The following SH3KBP1 variants were observed in gnomAD, a reference collection of about 807,000 sequenced individuals.
The protein encoded by SH3KBP1 is SH3 domain containing kinase binding protein 1.
In SH3KBP1, 8 loss-of-function variants were observed where a neutral mutation model predicts 50.1. The ratio of observed to expected loss-of-function variants is 0.16; its 90% CI spans 0.09 to 0.29. SH3KBP1 has a LOEUF of 0.29. Ranked by LOEUF, SH3KBP1 falls within the 10% of genes least tolerant of loss-of-function variation. The pLI is 1.00. For missense variants in SH3KBP1, 377 were observed against 535.2 expected (o/e 0.70, Z 2.92); for synonymous variants, 227 against 218.6 (o/e 1.04, Z -0.34).
chrX:19,659,603 C>A (rs1569394766), intron 6 of SH3KBP1, among the ~76,000 whole-genome samples: 2 of 111,912 alleles, frequency 1.8e-5, no homozygotes, highest in Admixed American at 1.9e-4. Flanking sequence ...AGATGTATAG[C>A]AAAACATTTA....
chrX:19,586,794 G>A (rs1041360970), intron 12 of SH3KBP1, among the ~76,000 whole-genome samples: 1 of 111,998 alleles, frequency 8.9e-6, no homozygotes, highest in Non-Finnish European at 1.9e-5. Flanking sequence ...GCCAGCCCAC[G>A]TTGCGACTTG....
rs1403031116 is a variant in SH3KBP1, at chrX:19,535,596, A to C, written c.*821T>G. ...AAAGTCACAGCTGGTACCACAGAGC[A>C]CGCCCAACTTCACAGCTGTCTCCTC... On this transcript the variant is annotated 3_prime_UTR_variant, in exon 18 of 18. Transcript: ENST00000397821. 1 of 111,894 alleles carries C rather than the reference A, an allele frequency of 8.9e-6. No individual in the cohort carries two copies. Among genetic ancestry groups the C allele is most frequent in the Non-Finnish European group, 1.9e-5 (1 of 53,218 alleles). The allele number at this position is 111,894 out of a possible 1,213,427, so 9.2% of individuals were successfully genotyped here. A position where few individuals can be genotyped will look rare whatever the true frequency, so the allele number is the denominator to read the frequency against.
chrX:19,604,504 C>G (rs1316258596), intron 9 of SH3KBP1, among the ~76,000 whole-genome samples: 1 of 112,177 alleles, frequency 8.9e-6, no homozygotes, highest in Non-Finnish European at 1.9e-5. Flanking sequence ...CCGTTTGCTT[C>G]TGTCTACCCT....
chrX:19,551,550 C>CTTTTTTTTTTTTTTTTTT (rs397800260), intron 13 of SH3KBP1, among the ~76,000 whole-genome samples: 9 of 95,167 alleles, frequency 9.5e-5, no homozygotes, highest in African/African-American at 3.9e-4. Context: ...CTCCCTCCCT[C>CTTTTTTTTTTTTTTTTTT]TTTTTTTTTT....
chrX:19,662,957 T>C (rs1022534216), intron 6 of SH3KBP1, among the ~76,000 whole-genome samples: 1 of 110,944 alleles, frequency 9.0e-6, no homozygotes, highest in Non-Finnish European at 1.9e-5. Context: ...TTGGCTGTCA[T>C]TCATATTCAT....
In SH3KBP1 at chrX:19,766,652, C is replaced by T. The variant is rs1178823003; in HGVS notation, c.163-20211G>A. On this transcript the variant is annotated intron_variant, in intron 2 of 17. Coordinates refer to ENST00000397821, the MANE Select transcript of SH3KBP1 (RefSeq NM_031892.3). ...CCGAGTAGCTGGGACTACAGGTGCC[C>T]GCCACCAGGCCTGGCTAATTTTTTG... Among the ~76,000 whole-genome samples the T allele has an allele frequency of 5.6e-5, 6 of 106,910 alleles. No homozygotes were observed. The East Asian group carries it at 1.2e-3, about 21-fold the overall frequency. 92.8% of individuals were successfully genotyped at this position (106,910 alleles called of 115,157 possible). A position where few individuals can be genotyped will look rare whatever the true frequency, so the allele number is the denominator to read the frequency against.
intron 14 of SH3KBP1, among the ~76,000 whole-genome samples, chrX:19,546,648 T>TGA (rs780338223): frequency 2.7e-5 from 3 of 112,441 alleles, no homozygotes; most frequent in Non-Finnish European, 5.6e-5. Flanking sequence ...TTCCTCAGCT[T>TGA]GAGAGCACAG....
intron 12 of SH3KBP1, among the ~76,000 whole-genome samples, chrX:19,581,704 G>C (rs1454014986): frequency 9.1e-6 from 1 of 110,246 alleles, no homozygotes; most frequent in Non-Finnish European, 1.9e-5. Flanking sequence ...TCCCAAGAGA[G>C]ACATCTGCCC....
At chrX:19,739,761 G>A (rs1337317993) in intron 3 of SH3KBP1, among the ~76,000 whole-genome samples, 4 of 110,913 alleles carry the variant, frequency 3.6e-5, no homozygotes, top group African/African-American at 1.3e-4. Context: ...AGTGAACACT[G>A]AGTCAGAGGA....
At chrX:19,816,660 T>G (rs1239449023) in intron 2 of SH3KBP1, among the ~76,000 whole-genome samples, 1 of 110,697 alleles carries the variant, frequency 9.0e-6, no homozygotes, top group Non-Finnish European at 1.9e-5. Flanking sequence ...TACAAAAAAT[T>G]AGCCAGGCGT....
At chrX:19,653,763 TACACACACACACACACACACAC>T (rs60424271) in intron 6 of SH3KBP1, among the ~76,000 whole-genome samples, 42 of 80,257 alleles carry the variant, frequency 5.2e-4, no homozygotes, top group Non-Finnish European at 6.8e-4. Context: ...TATGTCTAAA[TACACACACACACACACACACAC>T]ACACACACAC....
chrX:19,873,921 C>T (rs1339641997), intron 1 of SH3KBP1, among the ~76,000 whole-genome samples: 2 of 103,429 alleles, frequency 1.9e-5, no homozygotes, highest in Non-Finnish European at 3.9e-5. Flanking sequence ...TGGTGGTGTG[C>T]GCCTGTAATC....
intron 8 of SH3KBP1, among the ~76,000 whole-genome samples, chrX:19,616,214 G>A (rs924445647): frequency 9.0e-6 from 1 of 110,896 alleles, no homozygotes; most frequent in Non-Finnish European, 1.9e-5. Flanking sequence ...TGCCCGCCTC[G>A]GCCCTCCAAA....
At chrX:19,796,306 C>T (rs12387754) in intron 2 of SH3KBP1, among the ~76,000 whole-genome samples, 2 of 111,804 alleles carry the variant, frequency 1.8e-5, no homozygotes, top group Non-Finnish European at 3.8e-5. Flanking sequence ...GTCACCTAAC[C>T]TCAGTGAGCC....
chrX:19,732,886 T>A (rs1369470189), intron 3 of SH3KBP1, among the ~76,000 whole-genome samples: 1 of 111,500 alleles, frequency 9.0e-6, no homozygotes, highest in Non-Finnish European at 1.9e-5. Context: ...AAGATCCTAT[T>A]TACAAAAGCC....
At chrX:19,681,144 G>A (rs948215356) in intron 6 of SH3KBP1, among the ~76,000 whole-genome samples, 2 of 111,784 alleles carry the variant, frequency 1.8e-5, no homozygotes, top group Non-Finnish European at 3.8e-5. Flanking sequence ...TTTACTTTGA[G>A]AATCATATTG....
intron 6 of SH3KBP1, among the ~76,000 whole-genome samples, chrX:19,651,853 G>GTCAA (rs1347109806): frequency 8.9e-6 from 1 of 112,052 alleles, no homozygotes; most frequent in Non-Finnish European, 1.9e-5. Context: ...CAGTCAGTCA[G>GTCAA]TCAATCAATC....
chrX:19,582,419 G>T (rs932201152), intron 12 of SH3KBP1, among the ~76,000 whole-genome samples: 2 of 111,845 alleles, frequency 1.8e-5, no homozygotes, highest in East Asian at 5.6e-4. Flanking sequence ...TGGTGGCCGC[G>T]TGGGTGATCC....
chrX:19,545,742 G>C (rs1356684977), intron 15 of SH3KBP1, among the ~76,000 whole-genome samples, 180 bp downstream of exon 15: 1 of 112,193 alleles, frequency 8.9e-6, no homozygotes, highest in Admixed American at 9.5e-5. Flanking sequence ...TTGTATCTCA[G>C]GGATTCTGCC....
Sources: gnomAD v4.1 joint callset for allele counts (sites outside exome capture counted in the v4.1 genomes callset) on GRCh38, gnomAD v4.1.1 for gene constraint, MANE v1.5 for transcripts, NCBI Gene and HGNC (gene_info 2026-07-23, HGNC 2026-07-21) for gene names.